PLCG2: variants seen among roughly 807,000 people sequenced by gnomAD.
PLCG2 encodes the protein phospholipase C gamma 2.
Under a neutral mutation model 175.6 loss-of-function variants are expected in PLCG2, and 69 were observed. The observed-to-expected ratio is 0.39, with a 90% CI of 0.32 to 0.48. The LOEUF (loss-of-function observed/expected upper bound fraction) is 0.48. Ranked by LOEUF, PLCG2 falls within the 20% of genes least tolerant of loss-of-function variation. The probability of loss-of-function intolerance (pLI) is 0.91; values close to 1 mark genes in which losing one functional copy is unlikely to be tolerated. For missense variants in PLCG2, 1,798 were observed against 1,650.9 expected, an observed-to-expected ratio of 1.09 and a Z score of -1.54; for synonymous variants, 827 against 624.0, an observed-to-expected ratio of 1.33 and a Z score of -4.85.
At chr16:81,751,688 G>A (rs1046475462) in intron 1 of PLCG2, among the ~76,000 whole-genome samples, 10 of 152,228 alleles carry the variant, frequency 6.6e-5, no homozygotes, top group East Asian at 1.9e-4. Context: ...ATTATTCCAC[G>A]TTGTATTCAT....
chr16:81,786,089 C>A lies in PLCG2; in HGVS notation c.100C>A (p.Arg34Ser). Residue 34 changes from arginine to serine, a missense_variant, in exon 2 of 33, where the codon CGC (arginine) becomes AGC (serine). Physicochemically the swap from Arg to Ser is moderately radical, Grantham distance 110. Transcript: ENST00000564138. ...GACGGTGATGACTGTGTTCAGCTTCCGCAAGTCCACCCCCGAGCGGAGAAC... is the reference window on the plus strand; with the variant it reads ...GACGGTGATGACTGTGTTCAGCTTCAGCAAGTCCACCCCCGAGCGGAGAAC... ...LGTVMTVFSF[R>S]KSTPERRTVQ... 6.2e-7 allele frequency: 1 copy of A among 1,614,158 alleles called. No individual in the cohort carries two copies. The highest frequency in any genetic ancestry group is 8.5e-7 in the Non-Finnish European group (1 of 1,180,032).
intron 21 of PLCG2, 97 bp downstream of exon 21, chr16:81,921,366 G>A: frequency 1.2e-6 from 1 of 849,842 alleles, no homozygotes; most frequent in Non-Finnish European, 2.0e-6. Flanking sequence ...GGCAAGGGAA[G>A]ACTTTGGAAA....
At chr16:81,744,724 A>T (rs960178949) in intron 1 of PLCG2, among the ~76,000 whole-genome samples, 5 of 152,014 alleles carry the variant, frequency 3.3e-5, no homozygotes, top group African/African-American at 4.8e-5. Context: ...GGCATGGGTC[A>T]CCATACCCAG....
At chr16:81,907,024 C>T (rs575964280) in intron 15 of PLCG2, among the ~76,000 whole-genome samples, 47 of 115,674 alleles carry the variant, frequency 4.1e-4, no homozygotes, top group Non-Finnish European at 6.8e-4. Flanking sequence ...GTGAGAGAGA[C>T]AGACTCTGTC....
At chr16:81,776,668 C>T (rs1910415507), upstream of PLCG2, among the ~76,000 whole-genome samples, 1 of 152,200 alleles carries the variant, frequency 6.6e-6, no homozygotes, top group African/African-American at 2.4e-5. Flanking sequence ...GATTCTGCTA[C>T]CTCAGACTCG....
At chr16:81,781,957 C>T (rs1910755412) in intron 1 of PLCG2, among the ~76,000 whole-genome samples, 1 of 151,754 alleles carries the variant, frequency 6.6e-6, no homozygotes, top group South Asian at 2.1e-4. Context: ...CTGCAAGCTC[C>T]GCCTCCCGGG....
At chr16:81,805,625 C>G (rs1911970079) in intron 2 of PLCG2, among the ~76,000 whole-genome samples, 1 of 151,970 alleles carries the variant, frequency 6.6e-6, no homozygotes, top group South Asian at 2.1e-4. Context: ...CTCACACCCC[C>G]TTCCCCCACC....
At chr16:81,780,668 C>T (rs1039946766) in intron 1 of PLCG2, among the ~76,000 whole-genome samples, 1 of 152,158 alleles carries the variant, frequency 6.6e-6, no homozygotes, top group African/African-American at 2.4e-5. Context: ...GCACAGACCC[C>T]ATGAATAGCC....
chr16:81,752,922 GC>G (rs1236606941), intron 1 of PLCG2, among the ~76,000 whole-genome samples: 1 of 152,264 alleles, frequency 6.6e-6, no homozygotes, highest in African/African-American at 2.4e-5. Context: ...TGGGCAGGCT[GC>G]TTTTCTCCTT....
chr16:81,853,382 C>T (rs1322183954), intron 2 of PLCG2, among the ~76,000 whole-genome samples: 1 of 151,850 alleles, frequency 6.6e-6, no homozygotes, highest in Non-Finnish European at 1.5e-5. Context: ...TGAACTGGTA[C>T]AGCATCATTT....
At chr16:81,937,010 G>A (rs1367922426) in intron 27 of PLCG2, among the ~76,000 whole-genome samples, 4 of 152,124 alleles carry the variant, frequency 2.6e-5, no homozygotes, top group African/African-American at 4.8e-5. Context: ...TGACGTGAGC[G>A]CCATTCCACA....
intron 2 of PLCG2, among the ~76,000 whole-genome samples, chr16:81,819,686 G>A (rs925674935): frequency 1.3e-5 from 2 of 152,194 alleles, no homozygotes; most frequent in East Asian, 1.9e-4. Context: ...CTGGTTTCAA[G>A]CGAATATCCT....
chr16:81,902,263 G>A (rs1909183991), intron 14 of PLCG2, among the ~76,000 whole-genome samples: 1 of 152,186 alleles, frequency 6.6e-6, no homozygotes, highest in Non-Finnish European at 1.5e-5. Flanking sequence ...ACAAACAGCT[G>A]TTTCCTAGGT....
At chr16:81,904,085 C>T (rs1246317157) in intron 14 of PLCG2, among the ~76,000 whole-genome samples, 1 of 152,192 alleles carries the variant, frequency 6.6e-6, no homozygotes, top group African/African-American at 2.4e-5. Context: ...CAGGGTCACA[C>T]ATTTAGTATT....
upstream of PLCG2, among the ~76,000 whole-genome samples, chr16:81,778,317 C>A (rs1910547725): frequency 6.6e-6 from 1 of 152,048 alleles, no homozygotes; most frequent in African/African-American, 2.4e-5. Context: ...ATGTGGTGAG[C>A]TATGATGGCA....
intron 30 of PLCG2, among the ~76,000 whole-genome samples, chr16:81,941,585 T>C (rs75625823): frequency 0.075 from 11,336 of 151,590 alleles, 475 homozygotes; most frequent in African/African-American, 0.096. Flanking sequence ...TTTTGTACTC[T>C]AGAAATGTTC....
At chr16:81,890,199 C>G in intron 10 of PLCG2, among the ~76,000 whole-genome samples, 1 of 152,110 alleles carries the variant, frequency 6.6e-6, no homozygotes, top group East Asian at 1.9e-4. Context: ...CTTGTAACCT[C>G]CAGAAAAATG....
chr16:81,803,113 CTTTTTTTTTTT>C (rs762278218), intron 2 of PLCG2, among the ~76,000 whole-genome samples: 15 of 131,400 alleles, frequency 1.1e-4, no homozygotes, highest in Non-Finnish European at 2.3e-4. Context: ...TTGCATTTCA[CTTTTTTTTTTT>C]TTTTTTTTTT....
intron 2 of PLCG2, among the ~76,000 whole-genome samples, chr16:81,841,453 C>G (rs1368640000): frequency 1.3e-5 from 2 of 152,026 alleles, no homozygotes; most frequent in Non-Finnish European, 1.5e-5. Flanking sequence ...GTTGGCCAGG[C>G]TGGTTTCAAA....
Sources: gnomAD v4.1 joint callset for allele counts (sites outside exome capture counted in the v4.1 genomes callset) on GRCh38, gnomAD v4.1.1 for gene constraint, MANE v1.5 for transcripts, NCBI Gene and HGNC (gene_info 2026-07-23, HGNC 2026-07-21) for gene names.